PTPN4: variants seen among roughly 807,000 people sequenced by gnomAD.
PTPN4 encodes the protein protein tyrosine phosphatase non-receptor type 4, also known as tyrosine-protein phosphatase non-receptor type 4.
A neutral mutation model predicts 135.5 loss-of-function variants in PTPN4; 49 were observed. The ratio of observed to expected loss-of-function variants is 0.36; its 90% CI spans 0.29 to 0.46. The LOEUF is 0.46. PTPN4 is among the 20% of genes least tolerant of loss of function. The pLI is 1.00. For missense variants in PTPN4, 860 were observed against 1,101.0 expected (o/e 0.78, Z 3.10); for synonymous variants, 333 against 369.9 (o/e 0.90, Z 1.14).
chr2:119,903,680 A>C (rs1222362410), intron 10 of PTPN4, among the ~76,000 whole-genome samples: 1 of 151,870 alleles, frequency 6.6e-6, no homozygotes, highest in African/African-American at 2.4e-5. Context: ...CCCTGCCTCT[A>C]CCACTATTGT....
intron 2 of PTPN4, among the ~76,000 whole-genome samples, chr2:119,825,445 C>T (rs2104959187): frequency 6.6e-6 from 1 of 150,820 alleles, no homozygotes; most frequent in South Asian, 2.1e-4. Context: ...GATTTTGCGG[C>T]TTGCCCACAG....
chr2:119,957,160 G>C, intron 22 of PTPN4, 83 bp downstream of exon 22: 2 of 1,226,006 alleles, frequency 1.6e-6, no homozygotes, highest in Non-Finnish European at 2.3e-6. Context: ...TTAAAATCCT[G>C]ACCTGGATAG....
chr2:119,765,933 T>TGC (rs141050907), intron 1 of PTPN4, among the ~76,000 whole-genome samples: 1,777 of 151,090 alleles, frequency 0.012, 16 homozygotes, highest in Non-Finnish European at 0.018. Flanking sequence ...TGTGTGTGTG[T>TGC]GCGCGCGCGC....
At chr2:119,961,569 G>A (rs1383121710) in intron 23 of PTPN4, among the ~76,000 whole-genome samples, 1 of 152,128 alleles carries the variant, frequency 6.6e-6, no homozygotes, top group Non-Finnish European at 1.5e-5. Context: ...ATCCAAAAGA[G>A]TTGAAAAGGT....
chr2:119,760,871 CAAAA>C (rs11288109), intron 1 of PTPN4, among the ~76,000 whole-genome samples: 8 of 82,000 alleles, frequency 9.8e-5, no homozygotes, highest in Admixed American at 2.5e-4. Flanking sequence ...GTAGTTGAGC[CAAAA>C]AAAAAAAAAA....
intron 13 of PTPN4, among the ~76,000 whole-genome samples, chr2:119,931,433 CTTTTTTTTTTTTT>C (rs1158907026): frequency 6.0e-5 from 5 of 83,364 alleles, no homozygotes; most frequent in Non-Finnish European, 7.2e-5. Context: ...TTCTTTCTTT[CTTTTTTTTTTTTT>C]TTTTTTTTTT....
chr2:119,909,215 A>G lies in PTPN4; in HGVS notation c.765-5964A>G, dbSNP rs181537211. On this transcript the variant is annotated intron_variant, in intron 10 of 26. Transcript: ENST00000263708. The stretch of plus-strand genomic sequence containing the variant: ...TTCTATTGGAAGAAGATGCCATCTA[A>G]GACTATCATAGATGAAGTTAATACC... 1.0e-3 allele frequency among the ~76,000 whole-genome samples: 153 copies of G among 152,310 alleles called. 1 individual carries two copies. Among genetic ancestry groups the G allele is most frequent in the African/African-American group, 3.6e-3 (148 of 41,568 alleles).
intron 12 of PTPN4, among the ~76,000 whole-genome samples, chr2:119,924,478 ATT>A (rs140070109): frequency 0.023 from 3,528 of 151,996 alleles, 130 homozygotes; most frequent in African/African-American, 0.079. Flanking sequence ...GGTAAAAACA[ATT>A]TTTTTGTTCT....
chr2:119,922,634 G>A (rs1032328455), intron 12 of PTPN4, among the ~76,000 whole-genome samples: 2 of 152,126 alleles, frequency 1.3e-5, no homozygotes, highest in African/African-American at 4.8e-5. Context: ...TATCTCTGTA[G>A]TTTTCTTTCG....
intron 26 of PTPN4, among the ~76,000 whole-genome samples, chr2:119,975,598 G>A (rs1286616175): frequency 6.6e-6 from 1 of 152,126 alleles, no homozygotes; most frequent in Non-Finnish European, 1.5e-5. Context: ...GATGGCAGGT[G>A]CCTGTAATCC....
intron 20 of PTPN4, among the ~76,000 whole-genome samples, chr2:119,955,665 T>C (rs1008526845): frequency 1.2e-4 from 19 of 152,054 alleles, no homozygotes; most frequent in Non-Finnish European, 2.2e-4. Flanking sequence ...TGGCCAGGTG[T>C]GGTGGCTCAC....
At position 119,882,519 on chromosome 2, in the gene PTPN4, C is replaced by G; in HGVS notation, c.483C>G (p.Tyr161Ter). 6.5e-7 allele frequency: 1 copy of G among 1,533,180 alleles called. No homozygotes were observed. The highest frequency in any genetic ancestry group is 8.8e-7 in the Non-Finnish European group (1 of 1,134,804). The allele number at this position is 1,533,180 out of a possible 1,614,324, so 95.0% of individuals were successfully genotyped here. The part of the protein sequence containing the change: ...SFAVQSELGD[Y>*]DQSENLSGYL... Reference sequence around the variant, plus strand: ...CATTATTAGCTGAACTTGGAGACTACGATCAGTCAGAGAACTTGTCAGGCT... The same window carrying G: ...CATTATTAGCTGAACTTGGAGACTAGGATCAGTCAGAGAACTTGTCAGGCT... Residue 161 changes from tyrosine (Y) to a stop codon, truncating the protein, a stop_gained, in exon 8 of 27, where the codon TAC (tyrosine) becomes TAG (stop). Coordinates refer to ENST00000263708, the MANE Select transcript of PTPN4 (RefSeq NM_002830.4). LOFTEE classifies it high-confidence loss of function.
At chr2:119,868,935 T>C (rs1677870900) in intron 3 of PTPN4, among the ~76,000 whole-genome samples, 1 of 152,138 alleles carries the variant, frequency 6.6e-6, no homozygotes, top group Non-Finnish European at 1.5e-5. Flanking sequence ...ACCACTGGGT[T>C]AGGGTCTCCC....
chr2:119,807,232 C>G (rs1691489419), intron 1 of PTPN4, among the ~76,000 whole-genome samples: 1 of 152,036 alleles, frequency 6.6e-6, no homozygotes, highest in African/African-American at 2.4e-5. Context: ...AAGATCAGAG[C>G]AGAACTGAAG....
At chr2:119,910,544 C>T (rs1005098597) in intron 10 of PTPN4, among the ~76,000 whole-genome samples, 1 of 152,080 alleles carries the variant, frequency 6.6e-6, no homozygotes, top group Admixed American at 6.6e-5. Context: ...CTGTGTCCTG[C>T]CCCCTCCTCC....
At chr2:119,881,855 A>C (rs755155110) in intron 6 of PTPN4, 25 bp downstream of exon 6, 42 of 1,470,310 alleles carry the variant, frequency 2.9e-5, no homozygotes, top group Non-Finnish European at 2.8e-5. Flanking sequence ...TTTCTTAAAA[A>C]ATTTTTTGTA....
At chr2:119,943,647 G>A (rs868579418) in intron 15 of PTPN4, among the ~76,000 whole-genome samples, 14 of 138,118 alleles carry the variant, frequency 1.0e-4, no homozygotes, top group Non-Finnish European at 2.0e-4. Context: ...GTGCAGTGGC[G>A]CGATCTTGGC....
intron 1 of PTPN4, among the ~76,000 whole-genome samples, chr2:119,792,545 C>T (rs149626883): frequency 1.8e-4 from 27 of 152,240 alleles, no homozygotes; most frequent in Non-Finnish European, 3.5e-4. Flanking sequence ...TTAATTTGCA[C>T]TTATATTTAC....
intron 1 of PTPN4, among the ~76,000 whole-genome samples, chr2:119,800,585 T>G (rs188112465): frequency 4.6e-4 from 70 of 152,198 alleles, no homozygotes; most frequent in Admixed American, 1.2e-3. Context: ...ATTTGTCTTT[T>G]TTGTTGTTGT....
Sources: gnomAD v4.1 joint callset for allele counts (sites outside exome capture counted in the v4.1 genomes callset) on GRCh38, gnomAD v4.1.1 for gene constraint, MANE v1.5 for transcripts, NCBI Gene and HGNC (gene_info 2026-07-23, HGNC 2026-07-21) for gene names.